The following TDRD12 variants were observed in gnomAD, a reference collection of about 807,000 sequenced individuals.
TDRD12 encodes the protein putative ATP-dependent RNA helicase TDRD12.
Under a neutral mutation model 133.5 loss-of-function variants are expected in TDRD12, and 158 were observed. The observed-to-expected ratio is 1.18, with a 90% CI of 1.04 to 1.35. TDRD12 has a LOEUF of 1.35. Ranked by LOEUF, TDRD12 falls within the 40% of genes most tolerant of loss-of-function variation. The pLI, the probability that TDRD12 is intolerant of heterozygous loss-of-function variation, is 0.00. For synonymous variants in TDRD12, 460 were observed against 477.9 expected (o/e 0.96, Z 0.49); for missense variants, 1,443 against 1,321.3 (o/e 1.09, Z -1.43).
chr19:32,777,841 A>G (rs544560431), intron 11 of TDRD12, among the ~76,000 whole-genome samples: 242 of 14,850 alleles, frequency 0.016, 11 homozygotes, highest in South Asian at 0.048. Context: ...ATATATATAT[A>G]TATATATATA....
At chr19:32,730,051 A>G (rs570188745) in intron 1 of TDRD12, among the ~76,000 whole-genome samples, 3 of 151,910 alleles carry the variant, frequency 2.0e-5, no homozygotes, top group African/African-American at 4.8e-5. Context: ...CGGCCTCCCA[A>G]AGTGCTGGGA....
At chr19:32,796,585 C>CAA (rs753485762) in intron 14 of TDRD12, among the ~76,000 whole-genome samples, 15 of 131,744 alleles carry the variant, frequency 1.1e-4, no homozygotes, top group Admixed American at 1.5e-4. Flanking sequence ...AACTCCATCT[C>CAA]AAAAAAAAAA....
At chr19:32,796,236 GA>G in intron 14 of TDRD12, 1 of 926,270 alleles carries the variant, frequency 1.1e-6, no homozygotes, top group Non-Finnish European at 1.3e-6. Flanking sequence ...TTGCAGTTAG[GA>G]AAAATACTAG....
At chr19:32,748,447 A>G (rs1237555047) in intron 4 of TDRD12, 29 bp from the exon 5 acceptor site, 2 of 1,546,870 alleles carry the variant, frequency 1.3e-6, no homozygotes, top group African/African-American at 1.4e-5. Context: ...ATTTTTATGT[A>G]ATGGAGTTGC....
At chr19:32,744,817 A>G (rs1160000664) in intron 4 of TDRD12, among the ~76,000 whole-genome samples, 1 of 152,046 alleles carries the variant, frequency 6.6e-6, no homozygotes, top group Non-Finnish European at 1.5e-5. Flanking sequence ...GGACGATGGC[A>G]TTATGGAAGG....
intron 22 of TDRD12, 62 bp from the exon 23 acceptor site, chr19:32,810,031 T>C (rs1176804320): frequency 4.8e-6 from 5 of 1,039,142 alleles, no homozygotes; most frequent in Non-Finnish European, 6.6e-6. Flanking sequence ...ATACAGGGAA[T>C]GTGTACATAT....
At chr19:32,733,203 C>T (rs1309169285) in intron 2 of TDRD12, among the ~76,000 whole-genome samples, 3 of 150,898 alleles carry the variant, frequency 2.0e-5, no homozygotes, top group African/African-American at 7.3e-5. Context: ...GCGTGGTGGC[C>T]CACGCCTGTA....
chr19:32,725,810 C>A (rs545100170), intron 1 of TDRD12, among the ~76,000 whole-genome samples: 2 of 151,900 alleles, frequency 1.3e-5, no homozygotes, highest in Non-Finnish European at 2.9e-5. Context: ...TTGGACAGTA[C>A]GGCCATTTTC....
intron 11 of TDRD12, among the ~76,000 whole-genome samples, chr19:32,789,042 C>T (rs955885235): frequency 2.6e-5 from 4 of 152,176 alleles, no homozygotes; most frequent in African/African-American, 9.7e-5. Context: ...TCCAGAGAAT[C>T]AGCCCCTGGC....
At chr19:32,737,666 A>G (rs1969265229) in intron 2 of TDRD12, among the ~76,000 whole-genome samples, 1 of 152,148 alleles carries the variant, frequency 6.6e-6, no homozygotes, top group South Asian at 2.1e-4. Context: ...AGTAGGTGAG[A>G]CTACAGGCAC....
At chr19:32,795,509 A>G (rs964931779) in intron 14 of TDRD12, among the ~76,000 whole-genome samples, 34 of 152,198 alleles carry the variant, frequency 2.2e-4, no homozygotes, top group Middle Eastern at 6.8e-3. Context: ...TAAATTTCCC[A>G]CTGACAGGGC....
chr19:32,743,004 G>GTCCT, intron 4 of TDRD12, 104 bp downstream of exon 4: 1 of 1,387,992 alleles, frequency 7.2e-7, no homozygotes, highest in Non-Finnish European at 9.6e-7. Context: ...CTGAGCAGGA[G>GTCCT]GTCTCTGTTC....
downstream of TDRD12, chr19:32,824,343 C>G (rs1480924851): frequency 1.3e-5 from 2 of 152,728 alleles, no homozygotes; most frequent in Non-Finnish European, 2.9e-5. Context: ...TGCAGCTGGT[C>G]GGTCTCAGGT....
chr19:32,804,254 A>G (rs2145708623), intron 21 of TDRD12, among the ~76,000 whole-genome samples: 1 of 151,394 alleles, frequency 6.6e-6, no homozygotes, highest in Non-Finnish European at 1.5e-5. Flanking sequence ...TTGTATTTTT[A>G]GTAGATATGG....
chr19:32,722,650 C>A (rs1232142502), intron 1 of TDRD12, among the ~76,000 whole-genome samples: 8 of 151,494 alleles, frequency 5.3e-5, no homozygotes, highest in Non-Finnish European at 1.0e-4. Context: ...ATTTTTTTCC[C>A]CCATGTATCC....
At chr19:32,770,609 T>C (rs185353203) in intron 8 of TDRD12, among the ~76,000 whole-genome samples, 197 of 152,330 alleles carry the variant, frequency 1.3e-3, no homozygotes, top group African/African-American at 4.3e-3. Flanking sequence ...ACTCAGTTTT[T>C]CTTTCAAGTT....
At chr19:32,820,063 A>AGAGGAGGATCTATCG (rs1369232262) in intron 27 of TDRD12, among the ~76,000 whole-genome samples, 2 of 152,164 alleles carry the variant, frequency 1.3e-5, no homozygotes, top group African/African-American at 4.8e-5. Context: ...TCTACCTAGC[A>AGAGGAGGATCTATCG]GAGGAGGATC....
At chr19:32,823,965 G>A (rs1967497308), downstream of TDRD12, among the ~76,000 whole-genome samples, 1 of 152,208 alleles carries the variant, frequency 6.6e-6, no homozygotes, top group Non-Finnish European at 1.5e-5. Context: ...CCAAACCATA[G>A]CCCTTGGAGG....
In TDRD12 at chr19:32,811,214, C is replaced by T; in HGVS notation, c.2842C>T (p.Gln948Ter). The change falls in exon 24 of 28, where the codon CAG (glutamine) becomes TAG (stop). Residue 948 changes from glutamine (Q) to a stop codon, truncating the protein, a stop_gained. Coordinates refer to ENST00000444215, the Ensembl canonical transcript of TDRD12. LOFTEE classifies it high-confidence loss of function. Reference sequence around the variant, plus strand: ...CGATGCCCCATTGCTCTCCAGGGTTCAGGTGTTGGAAGTGAACCAAAAAGA... The same window carrying T: ...CGATGCCCCATTGCTCTCCAGGGTTTAGGTGTTGGAAGTGAACCAAAAAGA... 2 of 1,535,776 alleles carry T rather than the reference C, an allele frequency of 1.3e-6. No individual in the cohort carries two copies. Among genetic ancestry groups the T allele is most frequent in the African/African-American group, 1.4e-5 (1 of 73,116 alleles).
Sources: gnomAD v4.1 joint callset for allele counts (sites outside exome capture counted in the v4.1 genomes callset) on GRCh38, gnomAD v4.1.1 for gene constraint, MANE v1.5 for transcripts, NCBI Gene and HGNC (gene_info 2026-07-23, HGNC 2026-07-21) for gene names.